Variants in PCDH15 observed in about 807,000 individuals in gnomAD.
PCDH15 encodes the protein protocadherin related 15, also known as protocadherin-15.
In PCDH15, 129 loss-of-function variants were observed where a neutral mutation model predicts 178.5. That is an observed-to-expected ratio of 0.72 (90% CI 0.63 to 0.84). The LOEUF (loss-of-function observed/expected upper bound fraction) is 0.84. Among genes scored for constraint, PCDH15 ranks in the 40% least tolerant of loss-of-function variants. The pLI is 0.00. For missense variants in PCDH15, 2,230 were observed against 2,099.9 expected (o/e 1.06, Z -1.21); for synonymous variants, 800 against 732.0 (o/e 1.09, Z -1.50).
intron 1 of PCDH15, among the ~76,000 whole-genome samples, chr10:54,775,312 A>G (rs1472468852): frequency 6.6e-6 from 1 of 152,216 alleles, no homozygotes; most frequent in Non-Finnish European, 1.5e-5. Flanking sequence ...ACTCTATACA[A>G]TGAAATTGCT....
chr10:54,805,307 A>G (rs1450649655), upstream of PCDH15, among the ~76,000 whole-genome samples: 1 of 152,080 alleles, frequency 6.6e-6, no homozygotes, highest in Non-Finnish European at 1.5e-5. Flanking sequence ...AGGCCTCTGC[A>G]GTATTATCAA....
chr10:54,556,626 CTT>C (rs34614504), intron 2 of PCDH15, among the ~76,000 whole-genome samples: 2,666 of 133,410 alleles, frequency 0.02, 65 homozygotes, highest in African/African-American at 0.069. Context: ...TTTTAAGAGA[CTT>C]TTTTTTTTTC....
At chr10:54,521,180 T>C (rs1002628617) in intron 3 of PCDH15, among the ~76,000 whole-genome samples, 2 of 151,986 alleles carry the variant, frequency 1.3e-5, no homozygotes, top group African/African-American at 4.8e-5. Flanking sequence ...ACCTGCACAT[T>C]GTGCACATGT....
At chr10:54,315,836 G>A (rs887840410) in intron 8 of PCDH15, among the ~76,000 whole-genome samples, 2 of 152,020 alleles carry the variant, frequency 1.3e-5, no homozygotes, top group Non-Finnish European at 2.9e-5. Flanking sequence ...GATGGCAGTA[G>A]GTGTGCAGCC....
At chr10:55,312,703 C>T (rs1417018666) in intron 1 of PCDH15, among the ~76,000 whole-genome samples, 6 of 152,078 alleles carry the variant, frequency 3.9e-5, no homozygotes, top group East Asian at 3.9e-4. Flanking sequence ...CCGCAACCTC[C>T]GCCTTCTGGG....
chr10:55,282,376 A>G (rs552893969), intron 1 of PCDH15, among the ~76,000 whole-genome samples: 1 of 152,322 alleles, frequency 6.6e-6, no homozygotes, highest in East Asian at 1.9e-4. Context: ...TCCTTGATTT[A>G]AGACTTCTTC....
At position 55,380,410 on chromosome 10, in the gene PCDH15, A is replaced by C. The variant is rs571177503; in HGVS notation, c.-155-213759T>G. Among the ~76,000 whole-genome samples, 28 of 152,324 alleles carry C rather than the reference A, an allele frequency of 1.8e-4. No homozygotes were observed. In the South Asian group the frequency reaches 5.6e-3, roughly 30 times the overall value. On this transcript the variant is annotated intron_variant, in intron 2 of 5. Coordinates refer to the PCDH15 transcript ENST00000613346. ...CTCTATGGGTCTTTCCAGTTTCTAT[A>C]CATCTTTTGAGTAAAGAAATAATAG...
At chr10:53,969,493 A>C (rs908382285) in intron 21 of PCDH15, among the ~76,000 whole-genome samples, 3 of 152,160 alleles carry the variant, frequency 2.0e-5, no homozygotes, top group Non-Finnish European at 2.9e-5. Flanking sequence ...ATTCAAATTC[A>C]GGAAATACAG....
At chr10:55,469,940 G>A (rs1839919504) in intron 2 of PCDH15, among the ~76,000 whole-genome samples, 1 of 151,752 alleles carries the variant, frequency 6.6e-6, no homozygotes, top group African/African-American at 2.4e-5. Context: ...TTTCCTCCTG[G>A]TGTTTCATGG....
intron 3 of PCDH15, among the ~76,000 whole-genome samples, chr10:54,857,704 A>T (rs1032067448): frequency 2.0e-5 from 3 of 151,462 alleles, no homozygotes; most frequent in Non-Finnish European, 4.4e-5. Context: ...CTCCCACCTT[A>T]GCCTCCCAAA....
intron 2 of PCDH15, among the ~76,000 whole-genome samples, chr10:54,577,484 A>G (rs1203089670): frequency 2.0e-5 from 3 of 152,008 alleles, no homozygotes; most frequent in Admixed American, 1.3e-4. Context: ...GTAGTGTCCA[A>G]CTGTTCTCAC....
At chr10:54,887,318 T>C (rs186538770) in intron 3 of PCDH15, among the ~76,000 whole-genome samples, 12 of 152,192 alleles carry the variant, frequency 7.9e-5, no homozygotes, top group African/African-American at 2.9e-4. Context: ...GATGAAGAGA[T>C]GCCTTTTGAA....
At position 54,342,315 on chromosome 10, in the gene PCDH15, C is replaced by T. The variant is rs1255959930; in HGVS notation, c.594+4050G>A. On this transcript the variant is annotated intron_variant, in intron 6 of 37. Coordinates refer to ENST00000644397, the MANE Select transcript of PCDH15 (RefSeq NM_001384140.1). ...GCCTTAGGACATGGCATCCTATGTC[C>T]CTGCCACTCTAGCTCCAGCCATGGC... Among the ~76,000 whole-genome samples, 3 of 152,298 alleles carry T rather than the reference C, an allele frequency of 2.0e-5. No homozygotes were observed. The East Asian group carries it at 5.8e-4, about 30-fold the overall frequency.
intron 2 of PCDH15, among the ~76,000 whole-genome samples, chr10:54,903,075 T>C (rs1026336961): frequency 2.0e-5 from 3 of 152,012 alleles, no homozygotes. Flanking sequence ...TATATATGAG[T>C]ATTTTCATTG....
At chr10:54,644,225 T>C (rs1473705590) in intron 2 of PCDH15, among the ~76,000 whole-genome samples, 1 of 150,770 alleles carries the variant, frequency 6.6e-6, no homozygotes, top group South Asian at 2.1e-4. Flanking sequence ...TACTTTTATA[T>C]AGTCAACAAA....
intron 21 of PCDH15, among the ~76,000 whole-genome samples, chr10:53,986,556 C>T (rs926984472): frequency 6.6e-6 from 1 of 152,022 alleles, no homozygotes; most frequent in Non-Finnish European, 1.5e-5. Flanking sequence ...TTCAGAGTAT[C>T]CAAGATGTGG....
At chr10:54,684,815 T>A (rs1018158844) in intron 1 of PCDH15, among the ~76,000 whole-genome samples, 1 of 126,060 alleles carries the variant, frequency 7.9e-6, no homozygotes, top group African/African-American at 2.8e-5. Context: ...TTTCCTATAG[T>A]AGTGTGTATT....
intron 2 of PCDH15, among the ~76,000 whole-genome samples, chr10:55,590,312 G>T (rs1458388455): frequency 7.5e-6 from 1 of 133,956 alleles, no homozygotes; most frequent in Non-Finnish European, 1.6e-5. Context: ...GGGGACTGTT[G>T]TGGGGTGGGG....
chr10:55,602,055 C>G (rs1162098826), intron 2 of PCDH15, among the ~76,000 whole-genome samples: 1 of 152,210 alleles, frequency 6.6e-6, no homozygotes, highest in South Asian at 2.1e-4. Context: ...CAAAGCAGGG[C>G]GAGGCGTTGC....
Sources: allele counts gnomAD v4.1 joint callset (sites outside exome capture counted in the v4.1 genomes callset), GRCh38; gene constraint gnomAD v4.1.1; transcripts MANE v1.5; gene names NCBI Gene and HGNC (gene_info 2026-07-23, HGNC 2026-07-21).